Variants in DLG5 observed in about 807,000 individuals in gnomAD.
DLG5 encodes the protein discs large MAGUK scaffold protein 5.
Under a neutral mutation model 189.8 loss-of-function variants are expected in DLG5, and 48 were observed. The observed-to-expected ratio is 0.25, with a 90% CI of 0.20 to 0.32. The LOEUF (loss-of-function observed/expected upper bound fraction) is 0.32. Ranked by LOEUF, DLG5 falls within the 10% of genes least tolerant of loss-of-function variation. The probability of loss-of-function intolerance (pLI) is 1.00; values close to 1 mark genes in which losing one functional copy is unlikely to be tolerated. For missense variants in DLG5, 2,160 were observed against 2,544.7 expected (o/e 0.85, Z 3.25); for synonymous variants, 1,016 against 1,054.1 (o/e 0.96, Z 0.70).
chr10:77,795,432 C>T (rs76740253), intron 29 of DLG5, among the ~76,000 whole-genome samples: 1,639 of 152,256 alleles, frequency 0.011, 35 homozygotes, highest in African/African-American at 0.037. Flanking sequence ...GGGCATTCCC[C>T]CAAGTAGAGT....
intron 14 of DLG5, among the ~76,000 whole-genome samples, chr10:77,823,751 G>A (rs780839895): frequency 9.2e-5 from 14 of 152,106 alleles, no homozygotes; most frequent in South Asian, 2.1e-4. Context: ...GGCTGGTCTC[G>A]AACTCCCGAC....
At chr10:77,793,896 C>T (rs1840768519) in intron 31 of DLG5, 112 bp downstream of exon 31, 4 of 931,762 alleles carry the variant, frequency 4.3e-6, no homozygotes, top group East Asian at 4.8e-5. Flanking sequence ...CATGACAGCA[C>T]TTGGGAGCAT....
In DLG5 at chr10:77,811,174, C is replaced by G. The variant is rs768143860; in HGVS notation, c.4383G>C (p.Pro1461=). ...STLQGSGTTT[P]EHPSVIDPLM... ...GTGGGTCGATGACAGATGGATGCTC[C>G]GGGGTGGTGGTGCCACTGCCCTGGA... The change falls in exon 23 of 32, where the codon CCG becomes CCC. Residue 1461 remains proline (P), a synonymous_variant. Coordinates refer to ENST00000372391, the MANE Select transcript of DLG5 (RefSeq NM_004747.4). The G allele has an allele frequency of 6.2e-7, 1 of 1,613,334 alleles. No individual in the cohort carries two copies. The highest frequency in any genetic ancestry group is 8.5e-7 in the Non-Finnish European group (1 of 1,179,966).
At chr10:77,893,767 A>G (rs1845679288) in intron 1 of DLG5, among the ~76,000 whole-genome samples, 1 of 152,230 alleles carries the variant, frequency 6.6e-6, no homozygotes, top group African/African-American at 2.4e-5. Flanking sequence ...CAGTGCAGAC[A>G]CCATTACCTG....
intron 17 of DLG5, 124 bp from the exon 18 acceptor site, chr10:77,818,013 G>T (rs1445320903): frequency 2.5e-5 from 19 of 759,126 alleles, no homozygotes; most frequent in Non-Finnish European, 4.0e-5. Context: ...AGGAGCCACT[G>T]ATTATCAGCC....
the DLG5 span, among the ~76,000 whole-genome samples, chr10:77,934,389 G>T: frequency 7.9e-6 from 1 of 126,728 alleles, no homozygotes; most frequent in Non-Finnish European, 1.7e-5. Context: ...AAAAAAAAAA[G>T]AAAAGGAAAA....
intron 1 of DLG5, among the ~76,000 whole-genome samples, chr10:77,877,732 A>C (rs1845145165): frequency 6.6e-6 from 1 of 152,202 alleles, no homozygotes; most frequent in Non-Finnish European, 1.5e-5. Flanking sequence ...GAGGAGGCCC[A>C]AAGAGGGTCT....
At chr10:77,901,891 C>A (rs1845938291) in intron 1 of DLG5, among the ~76,000 whole-genome samples, 1 of 152,198 alleles carries the variant, frequency 6.6e-6, no homozygotes, top group Non-Finnish European at 1.5e-5. Context: ...AGCCAGAAAG[C>A]CAACTATGAG....
intron 27 of DLG5, among the ~76,000 whole-genome samples, chr10:77,804,541 C>T (rs944164460): frequency 1.3e-5 from 2 of 152,214 alleles, no homozygotes; most frequent in Admixed American, 6.5e-5. Flanking sequence ...CTGCCACCCC[C>T]ACACCTGATT....
intron 20 of DLG5, among the ~76,000 whole-genome samples, chr10:77,813,629 C>T (rs1447606134): frequency 6.6e-6 from 1 of 152,176 alleles, no homozygotes; most frequent in Non-Finnish European, 1.5e-5. Flanking sequence ...GCCACCCCTA[C>T]ATCACCCTCC....
chr10:77,837,213 TCAAAA>T (rs1308394498), intron 7 of DLG5, among the ~76,000 whole-genome samples: 1 of 28,942 alleles, frequency 3.5e-5, no homozygotes, highest in Non-Finnish European at 5.3e-5. Context: ...AGACTCGGTC[TCAAAA>T]AAAAAAAAAA....
At chr10:77,801,461 C>T (rs1841200412) in intron 27 of DLG5, among the ~76,000 whole-genome samples, 1 of 152,094 alleles carries the variant, frequency 6.6e-6, no homozygotes, top group Admixed American at 6.5e-5. Context: ...AGACAGGAGA[C>T]AGACAGGGTA....
intron 2 of DLG5, among the ~76,000 whole-genome samples, chr10:77,857,393 C>T (rs962218281): frequency 2.6e-5 from 4 of 152,234 alleles, no homozygotes; most frequent in African/African-American, 7.2e-5. Context: ...GCCGTGTCCC[C>T]GCCCTCCTCG....
rs533668790 is a variant in DLG5, at chr10:77,905,108, G to A, written c.304+21109C>T. On this transcript the variant is annotated intron_variant, in intron 1 of 31. Coordinates refer to ENST00000372391, the MANE Select transcript of DLG5 (RefSeq NM_004747.4). ...CGCGCCACTGCACTCTAGCCTGGGCGACAAGAGCGAGACTTCATCTCAAAA... is the reference window on the plus strand; with the variant it reads ...CGCGCCACTGCACTCTAGCCTGGGCAACAAGAGCGAGACTTCATCTCAAAA... 7.8e-5 allele frequency among the ~76,000 whole-genome samples: 11 copies of A among 140,502 alleles called. No individual in the cohort carries two copies. The East Asian group carries it at 1.9e-3, about 25-fold the overall frequency. The allele number at this position is 140,502 out of a possible 152,430, so 92.2% of individuals were successfully genotyped here.
Position 77,812,326 on chromosome 10 carries a change from C to T in DLG5, c.4077G>A (p.Pro1359=), listed in dbSNP as rs529944384. ...RHVKVQKGSE[P]LGISIVSGEK... ...CTCCACTCACGATGGAGATGCCCAG[C>T]GGCTCTGAGCCCTTCTGCACCTTCA... is the stretch of plus-strand genomic sequence containing the variant. The change falls in exon 21 of 32, where the codon CCG becomes CCA. Residue 1359 remains proline (P), a synonymous_variant. Transcript: ENST00000372391. The T allele has an allele frequency of 5.7e-5, 92 of 1,614,028 alleles. No individual in the cohort carries two copies. Among genetic ancestry groups the T allele is most frequent in the Admixed American group, 1.8e-4 (11 of 60,012 alleles).
chr10:77,866,308 T>C (rs747234461), intron 2 of DLG5, among the ~76,000 whole-genome samples: 3 of 152,224 alleles, frequency 2.0e-5, no homozygotes, highest in Non-Finnish European at 4.4e-5. Context: ...GCTATTAAGC[T>C]GTAGAAACCC....
intron 1 of DLG5, among the ~76,000 whole-genome samples, chr10:77,905,257 T>C (rs916487294): frequency 6.6e-6 from 1 of 152,058 alleles, no homozygotes; most frequent in Non-Finnish European, 1.5e-5. Context: ...CACCTCGGCC[T>C]CCAAAAGTGC....
chr10:77,905,541 G>A (rs773194582), intron 1 of DLG5, among the ~76,000 whole-genome samples: 3 of 152,138 alleles, frequency 2.0e-5, no homozygotes, highest in Non-Finnish European at 2.9e-5. Flanking sequence ...TCCCTGCTGT[G>A]TCAACTATCA....
rs1225641629 is a variant in DLG5, at chr10:77,906,208, C to T, written c.304+20009G>A. ...GGCTTTGCTGGTACCCTGCCAGAGG[C>T]TCCAGGACAGCTGCAACTGCAAAGG... On this transcript the variant is annotated intron_variant, in intron 1 of 31. Transcript: ENST00000372391. 3.9e-5 allele frequency among the ~76,000 whole-genome samples: 6 copies of T among 152,222 alleles called. No homozygotes were observed. In the East Asian group the frequency reaches 9.6e-4, roughly 24 times the overall value.
Sources: gnomAD v4.1 joint callset for allele counts (sites outside exome capture counted in the v4.1 genomes callset) on GRCh38, gnomAD v4.1.1 for gene constraint, MANE v1.5 for transcripts, NCBI Gene and HGNC (gene_info 2026-07-23, HGNC 2026-07-21) for gene names.